The following GABBR2 variants were observed in gnomAD, a reference collection of about 807,000 sequenced individuals.
GABBR2 encodes G-protein coupled receptor 51.
Under a neutral mutation model 105.6 loss-of-function variants are expected in GABBR2, and 23 were observed. The observed-to-expected ratio is 0.22, with a 90% confidence interval of 0.16 to 0.31. The LOEUF (loss-of-function observed/expected upper bound fraction) is 0.31. Ranked by LOEUF, GABBR2 falls within the 10% of genes least tolerant of loss-of-function variation. The probability of loss-of-function intolerance (pLI) is 1.00; values close to 1 mark genes in which losing one functional copy is unlikely to be tolerated. For synonymous variants in GABBR2, 478 were observed against 499.7 expected (o/e 0.96, Z 0.58); for missense variants, 734 against 1,245.5 (o/e 0.59, Z 6.18).
intron 13 of GABBR2, among the ~76,000 whole-genome samples, chr9:98,320,004 G>T (rs1319796699): frequency 6.6e-6 from 1 of 152,038 alleles, no homozygotes; most frequent in Non-Finnish European, 1.5e-5. Context: ...AAGAGCTTCT[G>T]CACAGCAAAA....
At chr9:98,673,913 T>C (rs369472738) in intron 1 of GABBR2, among the ~76,000 whole-genome samples, 12 of 151,944 alleles carry the variant, frequency 7.9e-5, no homozygotes, top group African/African-American at 1.9e-4. Context: ...ATGATAATGG[T>C]TTTTTTTAAG....
chr9:98,524,242 G>A (rs1474132458), intron 3 of GABBR2, among the ~76,000 whole-genome samples: 1 of 152,162 alleles, frequency 6.6e-6, no homozygotes, highest in Admixed American at 6.6e-5. Flanking sequence ...CAGTTAATTT[G>A]TATCTATAAA....
At chr9:98,453,711 T>C (rs1166661597) in intron 7 of GABBR2, among the ~76,000 whole-genome samples, 1 of 152,236 alleles carries the variant, frequency 6.6e-6, no homozygotes, top group Non-Finnish European at 1.5e-5. Flanking sequence ...ACCATTTTTG[T>C]AGCAGAGTGA....
chr9:98,486,046 A>T (rs1370087022), intron 4 of GABBR2, among the ~76,000 whole-genome samples: 3 of 152,200 alleles, frequency 2.0e-5, no homozygotes, highest in Admixed American at 2.0e-4. Context: ...CATCCAAGAC[A>T]GAGCTCCTCC....
At position 98,480,999 on chromosome 9, in the gene GABBR2, T is replaced by C; in HGVS notation, c.733-2A>G. 1 of 1,590,658 alleles carries C rather than the reference T, an allele frequency of 6.3e-7. No homozygotes were observed. The highest frequency in any genetic ancestry group is 8.6e-7 in the Non-Finnish European group (1 of 1,158,684). On this transcript the variant is annotated splice_acceptor_variant, in intron 4 of 18. Transcript: ENST00000259455. LOFTEE classifies it high-confidence loss of function. The stretch of plus-strand genomic sequence containing the variant: ...AAGGATGATCCGCACATCATTCCCC[T>C]GTGGATGGAAGGACACATCATGAAG...
At chr9:98,414,325 T>C (rs1183284979) in intron 7 of GABBR2, among the ~76,000 whole-genome samples, 2 of 152,092 alleles carry the variant, frequency 1.3e-5, no homozygotes, top group African/African-American at 2.4e-5. Flanking sequence ...AAGGAGGAAA[T>C]TGCAAGTGCA....
At chr9:98,465,139 A>AAAAAAAAAAAAAAAAAT (rs1826521776) in intron 6 of GABBR2, among the ~76,000 whole-genome samples, 1 of 149,490 alleles carries the variant, frequency 6.7e-6, no homozygotes, top group Admixed American at 6.6e-5. Context: ...AAAAAAAAAA[A>AAAAAAAAAAAAAAAAAT]AAAAAAAAGA....
chr9:98,514,246 G>T (rs1827712824), intron 3 of GABBR2, among the ~76,000 whole-genome samples: 1 of 133,080 alleles, frequency 7.5e-6, no homozygotes, highest in Non-Finnish European at 1.7e-5. Flanking sequence ...ACACTCTGGG[G>T]ACTGTTGTGG....
intron 13 of GABBR2, among the ~76,000 whole-genome samples, chr9:98,360,274 G>T (rs560217980): frequency 6.6e-6 from 1 of 152,194 alleles, no homozygotes; most frequent in Admixed American, 6.5e-5. Context: ...ACAGAGGAGG[G>T]TCTGAGAGAA....
intron 2 of GABBR2, among the ~76,000 whole-genome samples, chr9:98,558,098 G>T (rs918490274): frequency 1.5e-4 from 23 of 152,132 alleles, no homozygotes; most frequent in African/African-American, 5.6e-4. Context: ...CAAGAAGAGA[G>T]GGTAGCTATC....
chr9:98,389,528 T>C (rs1454676411), intron 9 of GABBR2, among the ~76,000 whole-genome samples: 1 of 152,216 alleles, frequency 6.6e-6, no homozygotes. Flanking sequence ...GTCATTGTGT[T>C]TTAAAAGCTC....
chr9:98,585,457 C>G (rs1286981579), intron 1 of GABBR2, among the ~76,000 whole-genome samples: 7 of 134,508 alleles, frequency 5.2e-5, no homozygotes, highest in Admixed American at 8.5e-5. Context: ...CACATGGACA[C>G]AGGAAGGGGA....
chr9:98,373,298 G>C (rs1322376563), intron 11 of GABBR2, among the ~76,000 whole-genome samples: 2 of 152,158 alleles, frequency 1.3e-5, no homozygotes, highest in Non-Finnish European at 2.9e-5. Context: ...ACAATAAAAA[G>C]AAATAACAAC....
At chr9:98,608,026 A>G in intron 1 of GABBR2, 3 of 1,298,838 alleles carry the variant, frequency 2.3e-6, no homozygotes, top group Non-Finnish European at 3.3e-6. Context: ...GAAAAACGTC[A>G]TCAGTTAGAG....
intron 1 of GABBR2, among the ~76,000 whole-genome samples, chr9:98,601,752 G>A (rs1216504852): frequency 1.3e-5 from 2 of 152,158 alleles, no homozygotes; most frequent in Admixed American, 6.5e-5. Flanking sequence ...GGCCAGTATG[G>A]GCCAAGGGCT....
intron 3 of GABBR2, among the ~76,000 whole-genome samples, chr9:98,501,193 C>T (rs1363823417): frequency 1.6e-5 from 2 of 121,544 alleles, no homozygotes; most frequent in East Asian, 5.8e-4. Flanking sequence ...GAGACAAAGT[C>T]TCACTCTTTC....
chr9:98,382,134 G>C (rs558140848), intron 11 of GABBR2, among the ~76,000 whole-genome samples: 1 of 152,214 alleles, frequency 6.6e-6, no homozygotes, highest in Admixed American at 6.5e-5. Flanking sequence ...GGACACCTGA[G>C]GCATTCCCAG....
intron 1 of GABBR2, among the ~76,000 whole-genome samples, chr9:98,628,768 G>A (rs1829778931): frequency 6.6e-6 from 1 of 152,088 alleles, no homozygotes; most frequent in South Asian, 2.1e-4. Flanking sequence ...AAGGGCAAGG[G>A]TTTGCTATAT....
Position 98,388,899 on chromosome 9 carries a change from A to G in GABBR2, c.1484T>C (p.Met495Thr), listed in dbSNP as rs1249860755. The change falls in exon 10 of 19, where the codon ATG (methionine) becomes ACG (threonine). Residue 495 changes from methionine to threonine, a missense_variant. Met to Thr is a moderately conservative substitution (Grantham distance 81). Transcript: ENST00000259455. This position sits in a 1 kb window ranked among gnomAD's most constrained non-coding sequence, Gnocchi z 4.4. ...GTTGAAGAAGAGAAAAGCACTGGCC[A>G]TGATCATCCCGAGGATGGTGAGGGC... is the stretch of plus-strand genomic sequence containing the variant. The part of the protein sequence containing the change: ...LSALTILGMI[M>T]ASAFLFFNIK... 1.9e-6 allele frequency: 3 copies of G among 1,614,000 alleles called. No homozygotes were observed. Among genetic ancestry groups the G allele is most frequent in the Non-Finnish European group, 2.5e-6 (3 of 1,179,878 alleles).
Sources: gnomAD v4.1 joint callset for allele counts (sites outside exome capture counted in the v4.1 genomes callset) on GRCh38, gnomAD v4.1.1 for gene constraint, Gnocchi (gnomAD v3.1) non-coding constraint, MANE v1.5 for transcripts, NCBI Gene and HGNC (gene_info 2026-07-23, HGNC 2026-07-21) for gene names.